Variants in TMEM117 observed in about 807,000 individuals in gnomAD.
The protein encoded by TMEM117 is transmembrane protein 117.
TMEM117 carries 27 observed loss-of-function variants against 52.4 expected under a neutral mutation model. The observed-to-expected ratio is 0.51, with a 90% CI of 0.38 to 0.71. TMEM117 has a LOEUF of 0.71. Ranked by LOEUF, TMEM117 falls within the 30% of genes least tolerant of loss-of-function variation. The pLI is 0.00. For synonymous variants in TMEM117, 215 were observed against 206.3 expected (o/e 1.04, Z -0.36); for missense variants, 556 against 630.5 (o/e 0.88, Z 1.26).
rs116914056 is a variant in TMEM117 at position 44,271,928 on chromosome 12, G to C, written c.609-27652G>C. On this transcript the variant is annotated intron_variant, in intron 5 of 7. Transcript: ENST00000266534. ...GACTGATAAAGAAATGGACAAAGGA[G>C]CTAAATAGACATTTCTCAAAAGAAG... Among the ~76,000 whole-genome samples, 363 of 152,100 alleles carry C rather than the reference G, an allele frequency of 2.4e-3. 12 individuals carry two copies. The East Asian group carries it at 0.035, about 15-fold the overall frequency.
chr12:44,070,829 C>T (rs1947290913), intron 3 of TMEM117, among the ~76,000 whole-genome samples: 1 of 152,160 alleles, frequency 6.6e-6, no homozygotes, highest in Non-Finnish European at 1.5e-5. Context: ...CACCTGGTCT[C>T]TGCAAGGGTT....
chr12:44,047,700 C>A (rs1301721232), intron 3 of TMEM117, among the ~76,000 whole-genome samples: 2 of 152,064 alleles, frequency 1.3e-5, no homozygotes, highest in African/African-American at 4.8e-5. Flanking sequence ...CCATAAAACC[C>A]AAAATGGTAG....
chr12:44,202,862 C>G (rs113328477), intron 4 of TMEM117, among the ~76,000 whole-genome samples: 1 of 151,640 alleles, frequency 6.6e-6, no homozygotes, highest in South Asian at 2.1e-4. Flanking sequence ...CACCTCTGCT[C>G]ACTGCAGCCT....
the TMEM117 span, among the ~76,000 whole-genome samples, chr12:43,812,022 T>A: frequency 1.3e-5 from 2 of 152,202 alleles, no homozygotes; most frequent in Admixed American, 6.5e-5. Context: ...TCAGCATTTT[T>A]ATTAAATATT....
intron 6 of TMEM117, among the ~76,000 whole-genome samples, chr12:44,306,204 C>T (rs1950901441): frequency 6.6e-6 from 1 of 151,750 alleles, no homozygotes; most frequent in African/African-American, 2.4e-5. Flanking sequence ...CAGGGCCATC[C>T]ATACCCCAAT....
intron 2 of TMEM117, among the ~76,000 whole-genome samples, chr12:43,901,463 A>G (rs1407469651): frequency 2.0e-5 from 3 of 152,116 alleles, no homozygotes. Flanking sequence ...GGCATGTGCC[A>G]CCAAGCCCAG....
At chr12:44,094,741 TATTA>T (rs1315317174) in intron 3 of TMEM117, among the ~76,000 whole-genome samples, 2 of 152,080 alleles carry the variant, frequency 1.3e-5, no homozygotes, top group African/African-American at 4.8e-5. Context: ...ATTCACTCAC[TATTA>T]ATTAATGAAT....
intron 3 of TMEM117, among the ~76,000 whole-genome samples, chr12:44,141,437 A>AT (rs2138195488): frequency 6.6e-6 from 1 of 151,780 alleles, no homozygotes; most frequent in South Asian, 2.1e-4. Flanking sequence ...TTTGGTTTTT[A>AT]TTTTTTTAGT....
intron 6 of TMEM117, among the ~76,000 whole-genome samples, chr12:44,353,965 T>A (rs1951605551): frequency 6.6e-6 from 1 of 152,198 alleles, no homozygotes; most frequent in Non-Finnish European, 1.5e-5. Context: ...TATCCTCTTT[T>A]ATTTCATTGA....
intron 3 of TMEM117, among the ~76,000 whole-genome samples, chr12:44,124,935 G>A (rs1331219086): frequency 7.9e-5 from 12 of 152,238 alleles, no homozygotes; most frequent in African/African-American, 2.6e-4. Flanking sequence ...GATGAGTTAG[G>A]GAGGAGCCCC....
At chr12:44,243,910 T>G (rs530973367) in intron 5 of TMEM117, among the ~76,000 whole-genome samples, 1 of 152,086 alleles carries the variant, frequency 6.6e-6, no homozygotes, top group Non-Finnish European at 1.5e-5. Flanking sequence ...CTTATTTCAC[T>G]TAGCATAATG....
intron 2 of TMEM117, among the ~76,000 whole-genome samples, chr12:43,869,426 G>A (rs547783754): frequency 7.9e-5 from 12 of 152,298 alleles, no homozygotes; most frequent in African/African-American, 2.4e-4. Context: ...GTAAGGACAC[G>A]AAGAGAAAAT....
At chr12:43,796,878 T>C in the TMEM117 span, 2 of 1,314,518 alleles carry the variant, frequency 1.5e-6, no homozygotes, top group African/African-American at 3.0e-5. Context: ...ACAAGAAAAA[T>C]AAATATTTTC....
intron 6 of TMEM117, among the ~76,000 whole-genome samples, chr12:44,327,183 A>G (rs1268028413): frequency 1.3e-5 from 2 of 152,220 alleles, no homozygotes; most frequent in Non-Finnish European, 2.9e-5. Flanking sequence ...TGAAAATTCA[A>G]TAGGAAAGAT....
chr12:43,997,904 G>A (rs141374757), intron 3 of TMEM117, among the ~76,000 whole-genome samples: 4 of 152,246 alleles, frequency 2.6e-5, no homozygotes, highest in African/African-American at 2.4e-5. Flanking sequence ...GCCCAGATTT[G>A]AATCCAGTTC....
chr12:44,309,790 A>C (rs1418278016), intron 6 of TMEM117, among the ~76,000 whole-genome samples: 1 of 151,988 alleles, frequency 6.6e-6, no homozygotes, highest in Non-Finnish European at 1.5e-5. Flanking sequence ...AAAAAAAAAA[A>C]AACAGATCTG....
intron 6 of TMEM117, among the ~76,000 whole-genome samples, chr12:44,341,584 G>C (rs922304244): frequency 5.3e-5 from 8 of 152,114 alleles, no homozygotes; most frequent in Non-Finnish European, 7.4e-5. Context: ...GGAATGTAGG[G>C]TTGGTGTTAG....
At chr12:43,912,824 C>T (rs1007809613) in intron 2 of TMEM117, among the ~76,000 whole-genome samples, 12 of 151,806 alleles carry the variant, frequency 7.9e-5, no homozygotes, top group African/African-American at 2.7e-4. Context: ...TTCATTTTAT[C>T]CAAAAATAAA....
intron 3 of TMEM117, 66 bp downstream of exon 3, chr12:43,944,408 T>C (rs987215226): frequency 6.8e-7 from 1 of 1,460,642 alleles, no homozygotes; most frequent in Non-Finnish European, 9.3e-7. Context: ...AATTTAAGAG[T>C]TTTTTAGCTT....
Sources: gnomAD v4.1 joint callset for allele counts (sites outside exome capture counted in the v4.1 genomes callset) on GRCh38, gnomAD v4.1.1 for gene constraint, MANE v1.5 for transcripts, NCBI Gene and HGNC (gene_info 2026-07-23, HGNC 2026-07-21) for gene names.